Variants in B4GALT5 observed in about 807,000 individuals in gnomAD.
B4GALT5 encodes the protein UDP-Gal:beta-GlcNAc beta-1,4-galactosyltransferase 5.
Under a neutral mutation model 45.0 loss-of-function variants are expected in B4GALT5, and 11 were observed. The observed-to-expected ratio is 0.24, with a 90% confidence interval of 0.15 to 0.40. B4GALT5 has a LOEUF of 0.40. Among genes scored for constraint, B4GALT5 ranks in the 10% least tolerant of loss-of-function variants. The pLI, the probability that B4GALT5 is intolerant of heterozygous loss-of-function variation, is 1.00. For missense variants in B4GALT5, 337 were observed against 500.2 expected (o/e 0.67, Z 3.11); for synonymous variants, 185 against 182.9 (o/e 1.01, Z -0.09).
chr20:49,684,558 T>C, intron 1 of B4GALT5: 1 of 515,256 alleles, frequency 1.9e-6, no homozygotes, highest in South Asian at 1.4e-5. Flanking sequence ...GCAAGACTCC[T>C]CAAGAAGAAA....
intron 2 of B4GALT5, among the ~76,000 whole-genome samples, chr20:49,654,730 G>C (rs1185520944): frequency 6.6e-6 from 1 of 152,212 alleles, no homozygotes; most frequent in Non-Finnish European, 1.5e-5. Context: ...ACTTATTAGA[G>C]AAGAAGAGAG....
At chr20:49,678,994 T>C (rs1188847378) in intron 1 of B4GALT5, among the ~76,000 whole-genome samples, 1 of 152,072 alleles carries the variant, frequency 6.6e-6, no homozygotes, top group Non-Finnish European at 1.5e-5. Context: ...CATGATTACA[T>C]TAAAAGGGGC....
At chr20:49,676,053 C>T (rs1176944102) in intron 1 of B4GALT5, among the ~76,000 whole-genome samples, 2 of 149,930 alleles carry the variant, frequency 1.3e-5, no homozygotes, top group African/African-American at 4.9e-5. Context: ...CCCCCCCAGA[C>T]AAAGCTTGGC....
At position 49,656,668 on chromosome 20, in the gene B4GALT5, G is replaced by A. The variant is rs769976241; in HGVS notation, c.150C>T (p.Gly50=). 6 of 1,614,150 alleles carry A rather than the reference G, an allele frequency of 3.7e-6. No individual in the cohort carries two copies. Among genetic ancestry groups the A allele is most frequent in the Admixed American group, 3.3e-5 (2 of 60,024 alleles). The change falls in exon 2 of 9, where the codon GGC becomes GGT. Residue 50 remains glycine (G), a synonymous_variant. Transcript: ENST00000371711. ...NTYLFMMQAQ[G]ILIRDNVRTI... is the part of the protein sequence containing the mutation. The stretch of plus-strand genomic sequence containing the variant: ...TTCTCACGTTGTCCCGGATCAGAAT[G>A]CCTTGGGCTTGCATCATGAAGAGGT...
At chr20:49,699,681 C>T (rs926088582) in intron 1 of B4GALT5, among the ~76,000 whole-genome samples, 1 of 152,178 alleles carries the variant, frequency 6.6e-6, no homozygotes, top group Non-Finnish European at 1.5e-5. Context: ...GGACCCCAAA[C>T]CCACTAAGTC....
intron 2 of B4GALT5, among the ~76,000 whole-genome samples, chr20:49,651,025 G>A (rs951855749): frequency 2.6e-5 from 4 of 152,174 alleles, no homozygotes; most frequent in East Asian, 1.9e-4. Flanking sequence ...AGCCGGGCGC[G>A]GTGATCTCTG....
chr20:49,639,665 A>G lies in B4GALT5; in HGVS notation c.917+13T>C, dbSNP rs749688897. On this transcript the variant is annotated intron_variant, in intron 7 of 8. Transcript: ENST00000371711. ...AGCATTTCTAGAAGACACCGAAAGA[A>G]CGGCAGAGGTACCTGTTCCAGAGGT... 1 of 1,612,866 alleles carries G rather than the reference A, an allele frequency of 6.2e-7. No individual in the cohort carries two copies. Among genetic ancestry groups the G allele is most frequent in the Non-Finnish European group, 8.5e-7 (1 of 1,179,114 alleles).
At chr20:49,680,552 G>C (rs561115899) in intron 1 of B4GALT5, among the ~76,000 whole-genome samples, 1 of 152,142 alleles carries the variant, frequency 6.6e-6, no homozygotes, top group Non-Finnish European at 1.5e-5. Context: ...ACCCAGAATA[G>C]GTAAATTCAC....
At chr20:49,652,570 T>G (rs989344217) in intron 2 of B4GALT5, among the ~76,000 whole-genome samples, 5 of 151,400 alleles carry the variant, frequency 3.3e-5, no homozygotes, top group African/African-American at 1.2e-4. Context: ...ACTCCATTAA[T>G]AGATTACAAA....
At chr20:49,665,048 T>TC (rs2085683317) in intron 1 of B4GALT5, among the ~76,000 whole-genome samples, 1 of 152,154 alleles carries the variant, frequency 6.6e-6, no homozygotes, top group Non-Finnish European at 1.5e-5. Context: ...CTGCTGGACT[T>TC]CAAGCTTTCT....
At chr20:49,639,474 C>T (rs1286180007) in intron 7 of B4GALT5, among the ~76,000 whole-genome samples, 1 of 152,000 alleles carries the variant, frequency 6.6e-6, no homozygotes, top group Non-Finnish European at 1.5e-5. Context: ...AGTGATCCTC[C>T]CACCTCGGCC....
intron 8 of B4GALT5, among the ~76,000 whole-genome samples, chr20:49,636,936 A>ACACACACACACACAC (rs1568713570): frequency 6.6e-6 from 1 of 151,578 alleles, no homozygotes; most frequent in African/African-American, 2.4e-5. Context: ...ACACACACAC[A>ACACACACACACACAC]AAGAAAGAAA....
At chr20:49,641,006 T>G (rs565088749) in intron 5 of B4GALT5, among the ~76,000 whole-genome samples, 2 of 152,154 alleles carry the variant, frequency 1.3e-5, no homozygotes, top group Non-Finnish European at 2.9e-5. Flanking sequence ...TCCCAGCTAC[T>G]TGGGAGGCTG....
chr20:49,637,188 C>T (rs903706623), intron 8 of B4GALT5, among the ~76,000 whole-genome samples, 153 bp downstream of exon 8: 3 of 152,172 alleles, frequency 2.0e-5, no homozygotes, highest in Non-Finnish European at 2.9e-5. Flanking sequence ...ACTGTTCTGC[C>T]TCAGAGTTAG....
chr20:49,642,431 G>A (rs377588516), intron 5 of B4GALT5, 37 bp downstream of exon 5: 14 of 1,487,720 alleles, frequency 9.4e-6, no homozygotes, highest in Non-Finnish European at 9.3e-6. Context: ...TGCTGTCTCA[G>A]AAGAGAAAAA....
chr20:49,700,133 T>C (rs1478259916), intron 1 of B4GALT5, among the ~76,000 whole-genome samples: 1 of 152,160 alleles, frequency 6.6e-6, no homozygotes, highest in Non-Finnish European at 1.5e-5. Flanking sequence ...CAAAATCATC[T>C]TAGGAGAAAG....
chr20:49,656,831 AC>A, intron 1 of B4GALT5, 129 bp from the exon 2 acceptor site: 1 of 1,180,768 alleles, frequency 8.5e-7, no homozygotes, highest in South Asian at 1.5e-5. Context: ...TTAAAACCCT[AC>A]ATGACCATAA....
chr20:49,640,385 G>T, intron 6 of B4GALT5, 93 bp downstream of exon 6: 1 of 1,124,750 alleles, frequency 8.9e-7, no homozygotes, highest in South Asian at 1.8e-5. Context: ...TCAGTTGATG[G>T]GCATCTAGGT....
At chr20:49,649,971 G>A (rs568554939) in intron 2 of B4GALT5, among the ~76,000 whole-genome samples, 5 of 152,122 alleles carry the variant, frequency 3.3e-5, no homozygotes, top group South Asian at 2.1e-4. Context: ...CAACAAAAAC[G>A]AAGATAATAA....
Sources: gnomAD v4.1 joint callset for allele counts (sites outside exome capture counted in the v4.1 genomes callset) on GRCh38, gnomAD v4.1.1 for gene constraint, MANE v1.5 for transcripts, NCBI Gene and HGNC (gene_info 2026-07-23, HGNC 2026-07-21) for gene names.